MARCHF3: variants seen among roughly 807,000 people sequenced by gnomAD.
The protein encoded by MARCHF3 is membrane associated ring-CH-type finger 3.
Under a neutral mutation model 24.2 loss-of-function variants are expected in MARCHF3, and 13 were observed. The observed-to-expected ratio is 0.54, with a 90% CI of 0.35 to 0.85. MARCHF3 has a LOEUF of 0.85. Among genes scored for constraint, MARCHF3 ranks in the 40% least tolerant of loss-of-function variants. The pLI is 0.01. For missense variants in MARCHF3, 276 were observed against 325.0 expected (o/e 0.85, Z 1.16); for synonymous variants, 144 against 137.3 (o/e 1.05, Z -0.34).
chr5:126,948,513 C>T (rs1384564518), intron 1 of MARCHF3, among the ~76,000 whole-genome samples: 1 of 152,138 alleles, frequency 6.6e-6, no homozygotes, highest in Non-Finnish European at 1.5e-5. Context: ...CCATACTCCA[C>T]GGAGAAGCAA....
rs1754675596 is a variant in MARCHF3, at chr5:126,915,065, T to C, written c.258A>G (p.Pro86=). The change falls in exon 3 of 5, where the codon CCA becomes CCG. Residue 86 remains proline, a synonymous_variant. Coordinates refer to ENST00000308660, the MANE Select transcript of MARCHF3 (RefSeq NM_178450.5). ...TCCCCAAGGTCCCTGTACATTCACA[T>C]GGAGAGAGCAAGTCCTCTTGGCTGC... The part of the protein sequence containing the change: ...EGSSQEDLLS[P]CECTGTLGTI... The C allele has an allele frequency of 6.2e-7, 1 of 1,614,196 alleles. No homozygotes were observed. The highest frequency in any genetic ancestry group is 1.3e-5 in the African/African-American group (1 of 75,054).
At position 126,880,145 on chromosome 5, in the gene MARCHF3, G is replaced by C. The variant is rs114234149; in HGVS notation, c.394-1751C>G. 9.8e-3 allele frequency among the ~76,000 whole-genome samples: 1,491 copies of C among 152,262 alleles called. 30 individuals carry two copies. Among genetic ancestry groups the C allele is most frequent in the African/African-American group, 0.035 (1,435 of 41,544 alleles). On this transcript the variant is annotated intron_variant, in intron 3 of 4. Transcript: ENST00000308660. ...GAAGTTGAGGAAAGAGCAGTGTAAG[G>C]CCTGGCAAAACCCCAATGAGTGAGT...
intron 3 of MARCHF3, among the ~76,000 whole-genome samples, chr5:126,883,261 T>C (rs548406177): frequency 6.6e-5 from 10 of 152,284 alleles, no homozygotes; most frequent in Admixed American, 5.9e-4. Context: ...TTTTGTGGCA[T>C]TTTTCTCCTG....
At chr5:126,964,956 T>G (rs1397784967) in intron 1 of MARCHF3, among the ~76,000 whole-genome samples, 4 of 151,052 alleles carry the variant, frequency 2.6e-5, no homozygotes, top group Non-Finnish European at 5.9e-5. Context: ...AGATAGGGCT[T>G]ATTAGAAGCT....
At chr5:126,981,946 T>G (rs574917678) in intron 1 of MARCHF3, among the ~76,000 whole-genome samples, 21 of 152,346 alleles carry the variant, frequency 1.4e-4, no homozygotes, top group African/African-American at 5.0e-4. Flanking sequence ...TTGGAAAATA[T>G]CTAGGGCTGT....
At chr5:126,949,469 T>A (rs1377832682) in intron 1 of MARCHF3, among the ~76,000 whole-genome samples, 1 of 152,194 alleles carries the variant, frequency 6.6e-6, no homozygotes, top group Non-Finnish European at 1.5e-5. Context: ...TATTAATACA[T>A]CCTGAAAAAC....
chr5:126,920,500 C>G (rs1409771154), intron 1 of MARCHF3, among the ~76,000 whole-genome samples: 1 of 152,192 alleles, frequency 6.6e-6, no homozygotes, highest in Non-Finnish European at 1.5e-5. Context: ...CAGTGACCTT[C>G]TTGCCGCATG....
intron 1 of MARCHF3, among the ~76,000 whole-genome samples, chr5:126,954,868 T>C (rs1750389068): frequency 6.6e-6 from 1 of 152,154 alleles, no homozygotes; most frequent in Non-Finnish European, 1.5e-5. Context: ...CCTTTCCTCT[T>C]TCTCTTTCCT....
At chr5:126,945,537 T>C (rs186832759) in intron 1 of MARCHF3, among the ~76,000 whole-genome samples, 1 of 151,990 alleles carries the variant, frequency 6.6e-6, no homozygotes, top group Non-Finnish European at 1.5e-5. Context: ...ATTTGCAAAC[T>C]CCCCAGTGTT....
At chr5:127,021,706 A>T (rs572607328) in intron 1 of MARCHF3, among the ~76,000 whole-genome samples, 7 of 152,354 alleles carry the variant, frequency 4.6e-5, no homozygotes, top group African/African-American at 1.7e-4. Flanking sequence ...AAAATAAATG[A>T]AGAGGTTAGA....
At chr5:126,962,859 A>G (rs992929914) in intron 1 of MARCHF3, among the ~76,000 whole-genome samples, 21 of 84,586 alleles carry the variant, frequency 2.5e-4, no homozygotes, top group Admixed American at 2.0e-3. Flanking sequence ...GTGTGTGTGT[A>G]TAACTATATG....
intron 1 of MARCHF3, among the ~76,000 whole-genome samples, chr5:126,974,863 A>G (rs1751142404): frequency 1.3e-5 from 2 of 152,240 alleles, no homozygotes; most frequent in South Asian, 4.1e-4. Context: ...AGTCTTAATG[A>G]GAAGCTATGT....
At chr5:126,932,097 GC>G (rs1749496474) in intron 1 of MARCHF3, among the ~76,000 whole-genome samples, 1 of 152,202 alleles carries the variant, frequency 6.6e-6, no homozygotes, top group Admixed American at 6.5e-5. Context: ...TTGTGTTAGG[GC>G]CACAGCAGCC....
intron 1 of MARCHF3, among the ~76,000 whole-genome samples, chr5:127,026,226 CA>C (rs2126867121): frequency 6.6e-6 from 1 of 152,270 alleles, no homozygotes; most frequent in African/African-American, 2.4e-5. Context: ...ATTGTATGAT[CA>C]GGGGCTGTGG....
intron 1 of MARCHF3, among the ~76,000 whole-genome samples, chr5:126,982,896 C>T (rs146820147): frequency 3.3e-5 from 5 of 152,262 alleles, no homozygotes; most frequent in Non-Finnish European, 5.9e-5. Context: ...CCCACAAGGT[C>T]CAGGTTAGGG....
intron 1 of MARCHF3, among the ~76,000 whole-genome samples, chr5:126,973,286 C>T (rs1293584587): frequency 1.3e-5 from 2 of 152,250 alleles, no homozygotes; most frequent in African/African-American, 2.4e-5. Flanking sequence ...TTCCTTTAGG[C>T]TGCTGTGGGA....
intron 3 of MARCHF3, among the ~76,000 whole-genome samples, chr5:126,882,636 C>T (rs1753381041): frequency 6.6e-6 from 1 of 152,142 alleles, no homozygotes; most frequent in Non-Finnish European, 1.5e-5. Flanking sequence ...CAGGAAGAGG[C>T]AGAAGGCAGG....
intron 1 of MARCHF3, among the ~76,000 whole-genome samples, chr5:126,934,433 T>C (rs1749573812): frequency 7.7e-6 from 1 of 130,282 alleles, no homozygotes; most frequent in African/African-American, 3.2e-5. Context: ...GTAGCCTCTA[T>C]TTTTTTTTTT....
chr5:127,003,385 G>A (rs1470267955), intron 1 of MARCHF3, among the ~76,000 whole-genome samples: 2 of 151,814 alleles, frequency 1.3e-5, no homozygotes, highest in African/African-American at 4.8e-5. Context: ...GGAGAAAGGC[G>A]TGAACCCGGG....
Sources: allele counts gnomAD v4.1 joint callset (sites outside exome capture counted in the v4.1 genomes callset), GRCh38; gene constraint gnomAD v4.1.1; transcripts MANE v1.5; gene names NCBI Gene and HGNC (gene_info 2026-07-23, HGNC 2026-07-21).